Variants in STXBP4 observed in about 807,000 individuals in gnomAD.
STXBP4 encodes the protein syntaxin binding protein 4, also known as syntaxin-binding protein 4.
In STXBP4, 55 loss-of-function variants were observed where a neutral mutation model predicts 76.1. The observed-to-expected ratio is 0.72, with a 90% CI of 0.58 to 0.91. STXBP4 has a LOEUF of 0.91. STXBP4 is among the 40% of genes least tolerant of loss of function. The pLI, the probability that STXBP4 is intolerant of heterozygous loss-of-function variation, is 0.00. For synonymous variants in STXBP4, 201 were observed against 220.2 expected, an observed-to-expected ratio of 0.91 and a Z score of 0.77; for missense variants, 618 against 636.9, an observed-to-expected ratio of 0.97 and a Z score of 0.32.
chr17:55,144,822 A>G (rs948207533), intron 17 of STXBP4, among the ~76,000 whole-genome samples: 6 of 152,210 alleles, frequency 3.9e-5, no homozygotes, highest in African/African-American at 1.4e-4. Flanking sequence ...TTAAAATGAC[A>G]CTGTCTACAC....
chr17:55,025,066 A>G (rs188296404), intron 8 of STXBP4, among the ~76,000 whole-genome samples: 8 of 150,580 alleles, frequency 5.3e-5, no homozygotes, highest in African/African-American at 2.0e-4. Context: ...GCATGAACCC[A>G]GGAGGCGGAG....
chr17:55,134,909 A>T (rs1466606664), intron 16 of STXBP4, among the ~76,000 whole-genome samples: 1 of 150,768 alleles, frequency 6.6e-6, no homozygotes, highest in Non-Finnish European at 1.5e-5. Flanking sequence ...CCACATTCTC[A>T]TCTTCAGTCT....
chr17:55,108,162 G>T (rs898998368), intron 16 of STXBP4, among the ~76,000 whole-genome samples: 17 of 152,188 alleles, frequency 1.1e-4, no homozygotes, highest in African/African-American at 3.9e-4. Flanking sequence ...CAGTGGCTTT[G>T]CCCACCTGTG....
At position 55,034,165 on chromosome 17, in the gene STXBP4, T is replaced by C. The variant is rs1354323353; in HGVS notation, c.764-3T>C. ...GTTCTTACTTAAATGTGTTCCATTT[T>C]AGATTTTGTCCAGGTTGCCAGAAAC... On this transcript the variant is annotated splice_polypyrimidine_tract_variant and splice_region_variant and intron_variant, in intron 9 of 17. Transcript: ENST00000376352. 2 of 1,610,364 alleles carry C rather than the reference T, an allele frequency of 1.2e-6. No individual in the cohort carries two copies. Among genetic ancestry groups the C allele is most frequent in the Non-Finnish European group, 1.7e-6 (2 of 1,177,238 alleles).
intron 16 of STXBP4, among the ~76,000 whole-genome samples, chr17:55,126,932 T>C (rs534920695): frequency 1.3e-4 from 20 of 152,332 alleles, no homozygotes; most frequent in Non-Finnish European, 2.4e-4. Flanking sequence ...GGATTTCTCA[T>C]ACTGCAGCTT....
chr17:55,146,355 C>G lies in STXBP4; in HGVS notation c.1547+4988C>G, dbSNP rs546149224. Among the ~76,000 whole-genome samples, 5 of 152,316 alleles carry G rather than the reference C, an allele frequency of 3.3e-5. No homozygotes were observed. The East Asian group carries it at 9.7e-4, about 29-fold the overall frequency. ...GTGGCTTCACTGGATTACTCTCTCACTTTCTCTCTGGGTCTCTCATGAAGT... is the reference window on the plus strand; with the variant it reads ...GTGGCTTCACTGGATTACTCTCTCAGTTTCTCTCTGGGTCTCTCATGAAGT... On this transcript the variant is annotated intron_variant, in intron 17 of 17. Transcript: ENST00000376352.
At chr17:55,005,995 GTGTATATA>G (rs1156756171) in intron 7 of STXBP4, among the ~76,000 whole-genome samples, 19 of 151,932 alleles carry the variant, frequency 1.3e-4, no homozygotes, top group East Asian at 3.9e-4. Flanking sequence ...ATATGTATAT[GTGTATATA>G]TGTATATATG....
At chr17:55,072,115 T>TAAAA (rs1567748451) in intron 12 of STXBP4, among the ~76,000 whole-genome samples, 2 of 151,996 alleles carry the variant, frequency 1.3e-5, no homozygotes, top group South Asian at 2.1e-4. Context: ...AGAGGCAGAG[T>TAAAA]AAAACAGTAG....
rs74955295 is a variant in STXBP4, at chr17:55,017,263, C to T, written c.666+9666C>T. On this transcript the variant is annotated intron_variant, in intron 8 of 17. Coordinates refer to ENST00000376352, the MANE Select transcript of STXBP4 (RefSeq NM_178509.6). ...TTCTCTCCTCTCTGCCTCTGTCTCT[C>T]TCCTCTCTGTCTCTTTTCTCTTAGC... Among the ~76,000 whole-genome samples the T allele has an allele frequency of 3.1e-3, 466 of 152,222 alleles. 1 individual carries two copies. Among genetic ancestry groups the T allele is most frequent in the Middle Eastern group, 6.8e-3 (2 of 294 alleles).
chr17:55,138,188 C>T (rs768185171), intron 16 of STXBP4, among the ~76,000 whole-genome samples: 6 of 151,772 alleles, frequency 4.0e-5, no homozygotes, highest in South Asian at 2.1e-4. Context: ...GTCTTTATGT[C>T]GATTTCAAGC....
intron 17 of STXBP4, among the ~76,000 whole-genome samples, chr17:55,145,074 G>T (rs903246495): frequency 3.9e-5 from 6 of 152,130 alleles, no homozygotes; most frequent in African/African-American, 1.4e-4. Context: ...TTTCTTTATG[G>T]TTCTTAGCTG....
At chr17:55,007,639 A>G (rs1393293935) in intron 8 of STXBP4, 42 bp downstream of exon 8, 1 of 1,478,510 alleles carries the variant, frequency 6.8e-7, no homozygotes, top group Non-Finnish European at 9.4e-7. Flanking sequence ...TAAGACAAAA[A>G]CAGGAAAGAA....
intron 7 of STXBP4, among the ~76,000 whole-genome samples, chr17:55,001,314 G>A (rs2077910453): frequency 6.6e-6 from 1 of 151,924 alleles, no homozygotes; most frequent in African/African-American, 2.4e-5. Context: ...GAAATCATAT[G>A]GATATCAATT....
chr17:55,141,379 C>T lies in STXBP4; in HGVS notation c.1547+12C>T, dbSNP rs1157145880. On this transcript the variant is annotated intron_variant, in intron 17 of 17. Transcript: ENST00000376352. ...AAGTACTTCATCAAGTAAGTACAAG[C>T]ATCTCAACCAAGTAAGCAATTTTCT... 1.9e-6 allele frequency: 3 copies of T among 1,606,134 alleles called. No homozygotes were observed. The highest frequency in any genetic ancestry group is 1.7e-6 in the Non-Finnish European group (2 of 1,176,500).
chr17:55,203,995 G>T, the STXBP4 span, among the ~76,000 whole-genome samples: 1 of 151,848 alleles, frequency 6.6e-6, no homozygotes, highest in African/African-American at 2.4e-5. Context: ...GATTTTTGGG[G>T]TCATTTTTGG....
intron 16 of STXBP4, among the ~76,000 whole-genome samples, chr17:55,093,270 A>G (rs2079441794): frequency 6.6e-6 from 1 of 152,146 alleles, no homozygotes; most frequent in African/African-American, 2.4e-5. Flanking sequence ...GATAATAGGC[A>G]TGAGTCACCG....
At chr17:55,078,493 A>G (rs2079216002) in intron 14 of STXBP4, among the ~76,000 whole-genome samples, 193 bp from the exon 15 acceptor site, 1 of 152,226 alleles carries the variant, frequency 6.6e-6, no homozygotes. Flanking sequence ...CTTACCTTAT[A>G]AAGAAATGTT....
chr17:54,985,278 A>T (rs1217911018), intron 1 of STXBP4, among the ~76,000 whole-genome samples: 1 of 152,152 alleles, frequency 6.6e-6, no homozygotes, highest in Non-Finnish European at 1.5e-5. Context: ...GGCCTATCAG[A>T]TCTCAAGGTC....
At chr17:55,057,923 A>G (rs2078950049) in intron 12 of STXBP4, among the ~76,000 whole-genome samples, 1 of 152,178 alleles carries the variant, frequency 6.6e-6, no homozygotes, top group Non-Finnish European at 1.5e-5. Context: ...CATGATGTAT[A>G]TATGCCACAT....
Sources: allele counts gnomAD v4.1 joint callset (sites outside exome capture counted in the v4.1 genomes callset), GRCh38; gene constraint gnomAD v4.1.1; transcripts MANE v1.5; gene names NCBI Gene and HGNC (gene_info 2026-07-23, HGNC 2026-07-21).